The following CTNNA3 variants were observed in gnomAD, a reference collection of about 807,000 sequenced individuals.
CTNNA3 encodes the protein catenin alpha-3.
In CTNNA3, 76 loss-of-function variants were observed where a neutral mutation model predicts 95.7. That is an observed-to-expected ratio of 0.79 (90% CI 0.66 to 0.96). The LOEUF is 0.96. CTNNA3 is among the 40% of genes least tolerant of loss of function. CTNNA3 has a pLI of 0.00. For missense variants in CTNNA3, 1,191 were observed against 1,089.8 expected (o/e 1.09, Z -1.31); for synonymous variants, 431 against 374.4 (o/e 1.15, Z -1.74).
At chr10:66,394,656 T>C (rs2092960930) in intron 11 of CTNNA3, among the ~76,000 whole-genome samples, 1 of 151,942 alleles carries the variant, frequency 6.6e-6, no homozygotes, top group Non-Finnish European at 1.5e-5. Context: ...TCTCCCATAT[T>C]ATGCAATAAA....
chr10:67,046,545 C>T (rs1192829014), intron 7 of CTNNA3, among the ~76,000 whole-genome samples: 1 of 152,176 alleles, frequency 6.6e-6, no homozygotes, highest in Admixed American at 6.5e-5. Flanking sequence ...TTTCATCCCA[C>T]TGGTCAATAC....
Position 67,352,921 on chromosome 10 carries a change from T to C in CTNNA3, c.580-133051A>G, listed in dbSNP as rs538386293. 1.6e-3 allele frequency among the ~76,000 whole-genome samples: 243 copies of C among 152,120 alleles called. 1 individual carries two copies. Among genetic ancestry groups the C allele is most frequent in the African/African-American group, 5.5e-3 (229 of 41,552 alleles). On this transcript the variant is annotated intron_variant, in intron 5 of 17. Transcript: ENST00000433211. ...TTATTCTATCCATCACAGATATTAA[T>C]TCCAGGTATGTACACAATGGCCAAC...
At chr10:66,819,090 C>CT (rs1408949203) in intron 7 of CTNNA3, among the ~76,000 whole-genome samples, 1 of 99,938 alleles carries the variant, frequency 1.0e-5, no homozygotes, top group East Asian at 3.6e-4. Flanking sequence ...AAACTCTTGT[C>CT]TTAAAAAAAA....
intron 10 of CTNNA3, among the ~76,000 whole-genome samples, chr10:66,558,216 G>T (rs1344258648): frequency 6.6e-6 from 1 of 152,122 alleles, no homozygotes. Flanking sequence ...AGATCCTGCT[G>T]TCAGACATGA....
chr10:67,639,170 G>T (rs1173645078), intron 2 of CTNNA3, among the ~76,000 whole-genome samples: 1 of 151,914 alleles, frequency 6.6e-6, no homozygotes, highest in East Asian at 1.9e-4. Context: ...ATGATAAAGG[G>T]GATATCACCG....
chr10:65,921,850 G>T (rs1027989268), intron 17 of CTNNA3, among the ~76,000 whole-genome samples: 1 of 152,138 alleles, frequency 6.6e-6, no homozygotes, highest in Admixed American at 6.5e-5. Flanking sequence ...TTGGATGTTG[G>T]TCCTGCACAA....
intron 5 of CTNNA3, among the ~76,000 whole-genome samples, chr10:67,500,825 A>G (rs1252781531): frequency 6.6e-6 from 1 of 152,012 alleles, no homozygotes; most frequent in Non-Finnish European, 1.5e-5. Flanking sequence ...TGCACGTGCG[A>G]TGGGTCTCCT....
chr10:67,675,145 A>G lies in CTNNA3; in HGVS notation c.-6+20855T>C, dbSNP rs1840512564. On this transcript the variant is annotated intron_variant, in intron 1 of 17. Transcript: ENST00000433211. ...TCTGTGAATTACCTTTTCACATATC[A>G]TTGACCCTATTGGATTGTTCGTTTT... 2.6e-5 allele frequency among the ~76,000 whole-genome samples: 4 copies of G among 151,928 alleles called. 1 individual carries two copies. Among genetic ancestry groups the G allele is most frequent in the Admixed American group, 1.3e-4 (2 of 15,222 alleles).
chr10:66,039,709 C>G (rs1193217397), intron 15 of CTNNA3, among the ~76,000 whole-genome samples: 3 of 152,194 alleles, frequency 2.0e-5, no homozygotes, highest in Non-Finnish European at 2.9e-5. Flanking sequence ...ACCTTCCTTA[C>G]ACCATACACA....
chr10:66,721,447 A>G (rs1392977428), intron 9 of CTNNA3, among the ~76,000 whole-genome samples: 1 of 152,190 alleles, frequency 6.6e-6, no homozygotes, highest in Non-Finnish European at 1.5e-5. Flanking sequence ...AGAAACATTT[A>G]TTAGGAGTAT....
chr10:67,582,560 A>G (rs1203942507), intron 3 of CTNNA3, among the ~76,000 whole-genome samples: 1 of 152,216 alleles, frequency 6.6e-6, no homozygotes, highest in Non-Finnish European at 1.5e-5. Context: ...AGAGCTCTGT[A>G]GATGTCTATT....
At chr10:67,070,782 T>C (rs1008316001) in intron 7 of CTNNA3, among the ~76,000 whole-genome samples, 3 of 152,006 alleles carry the variant, frequency 2.0e-5, no homozygotes, top group Non-Finnish European at 4.4e-5. Flanking sequence ...AAGAAATCCT[T>C]GCCTACTCCA....
intron 11 of CTNNA3, among the ~76,000 whole-genome samples, chr10:66,503,602 G>T (rs953251054): frequency 2.0e-5 from 3 of 151,966 alleles, no homozygotes; most frequent in African/African-American, 7.3e-5. Flanking sequence ...CCTAGTAGCT[G>T]GGATTACAGG....
chr10:66,215,324 C>T (rs969457713), intron 13 of CTNNA3, among the ~76,000 whole-genome samples: 4 of 152,160 alleles, frequency 2.6e-5, no homozygotes, highest in African/African-American at 9.7e-5. Context: ...ACCCAAGCAA[C>T]GTGCTATGCC....
rs1564616272 is a variant in CTNNA3 at position 66,069,361 on chromosome 10, AATG to A, written c.2103_2105del (p.Ile702del). ...TCATACACATGTTCTTGGCCAGAAC[AATG>A]ATGTCGTTGCTTGTATCATCCCATA... On this transcript the variant is annotated inframe_deletion, in exon 15 of 18. Transcript: ENST00000433211. The A allele has an allele frequency of 1.2e-6, 2 of 1,613,770 alleles. No individual in the cohort carries two copies. Among genetic ancestry groups the A allele is most frequent in the Non-Finnish European group, 1.7e-6 (2 of 1,179,770 alleles).
chr10:66,638,012 A>G (rs1157935878), intron 9 of CTNNA3, among the ~76,000 whole-genome samples: 4 of 152,068 alleles, frequency 2.6e-5, no homozygotes, highest in African/African-American at 9.7e-5. Context: ...TCTCTTCCCT[A>G]ACAGCCTACC....
At chr10:67,149,199 T>TCTA (rs1253292258) in intron 7 of CTNNA3, among the ~76,000 whole-genome samples, 1 of 152,106 alleles carries the variant, frequency 6.6e-6, no homozygotes, top group South Asian at 2.1e-4. Context: ...ACATCACTCA[T>TCTA]CTACTACTAC....
intron 5 of CTNNA3, among the ~76,000 whole-genome samples, chr10:67,499,269 C>T (rs1409279743): frequency 7.9e-5 from 12 of 152,164 alleles, no homozygotes; most frequent in Non-Finnish European, 1.5e-5. Flanking sequence ...AGCCTTGCAT[C>T]CCAGGTATGA....
intron 13 of CTNNA3, among the ~76,000 whole-genome samples, chr10:66,182,318 C>T (rs149891826): frequency 1.2e-3 from 186 of 150,420 alleles, no homozygotes; most frequent in Middle Eastern, 6.9e-3. Context: ...TGCAGTGGCG[C>T]GATCTTGGCT....
Sources: allele counts gnomAD v4.1 joint callset (sites outside exome capture counted in the v4.1 genomes callset), GRCh38; gene constraint gnomAD v4.1.1; transcripts MANE v1.5; gene names NCBI Gene and HGNC (gene_info 2026-07-23, HGNC 2026-07-21).